CFAP299: variants seen among roughly 807,000 people sequenced by gnomAD.
CFAP299 encodes cilia and flagella associated protein 299.
CFAP299 carries 21 observed loss-of-function variants against 27.0 expected under a neutral mutation model. That is an observed-to-expected ratio of 0.78 (90% CI 0.55 to 1.12). CFAP299 has a LOEUF of 1.12. Among genes scored for constraint, CFAP299 ranks in the 50% most tolerant of loss-of-function variants. The pLI is 0.00. For synonymous variants in CFAP299, 104 were observed against 98.1 expected (o/e 1.06, Z -0.36); for missense variants, 310 against 276.6 (o/e 1.12, Z -0.86).
At chr4:80,461,593 A>T (rs1410673493) in intron 2 of CFAP299, among the ~76,000 whole-genome samples, 3 of 152,108 alleles carry the variant, frequency 2.0e-5, no homozygotes, top group African/African-American at 7.2e-5. Context: ...ATAATGAGGC[A>T]TGTCTGAGCA....
chr4:80,658,924 T>G (rs776569971), intron 3 of CFAP299, among the ~76,000 whole-genome samples: 1 of 152,150 alleles, frequency 6.6e-6, no homozygotes, highest in Non-Finnish European at 1.5e-5. Flanking sequence ...CAGCTGTCTA[T>G]TGACATTTAT....
intron 4 of CFAP299, among the ~76,000 whole-genome samples, chr4:80,914,051 T>C (rs1735621872): frequency 1.3e-5 from 2 of 152,194 alleles, no homozygotes; most frequent in South Asian, 4.1e-4. Context: ...TGCTGAGTAC[T>C]ATTCCACTAT....
At chr4:80,485,166 A>T (rs1351777877) in intron 2 of CFAP299, among the ~76,000 whole-genome samples, 1 of 151,876 alleles carries the variant, frequency 6.6e-6, no homozygotes, top group Admixed American at 6.6e-5. Flanking sequence ...ATTTTTACTA[A>T]GAAGTTGAAT....
chr4:80,871,558 T>C, intron 4 of CFAP299: 1 of 985,448 alleles, frequency 1.0e-6, no homozygotes, highest in Non-Finnish European at 1.2e-6. Flanking sequence ...GTGTCACCTG[T>C]CTTGGCAAAT....
intron 2 of CFAP299, among the ~76,000 whole-genome samples, chr4:80,507,949 T>C (rs1308504829): frequency 6.6e-6 from 1 of 152,204 alleles, no homozygotes; most frequent in Non-Finnish European, 1.5e-5. Flanking sequence ...AGACCCAAAA[T>C]AACTTTAATT....
intron 3 of CFAP299, among the ~76,000 whole-genome samples, chr4:80,835,185 C>G (rs1193441171): frequency 6.6e-6 from 1 of 152,006 alleles, no homozygotes; most frequent in Non-Finnish European, 1.5e-5. Flanking sequence ...GGCTCGATCT[C>G]GGCTCCCAGG....
intron 3 of CFAP299, among the ~76,000 whole-genome samples, chr4:80,740,710 T>G (rs899798370): frequency 6.6e-6 from 1 of 152,200 alleles, no homozygotes; most frequent in African/African-American, 2.4e-5. Flanking sequence ...TGTTGTTCTA[T>G]TCTGCTGTGG....
At chr4:80,737,005 C>T (rs1375651426) in intron 3 of CFAP299, among the ~76,000 whole-genome samples, 1 of 152,028 alleles carries the variant, frequency 6.6e-6, no homozygotes, top group Non-Finnish European at 1.5e-5. Context: ...GAGTTCATGT[C>T]CTTTGTAGGG....
chr4:80,507,824 A>T (rs1174342505), intron 2 of CFAP299, among the ~76,000 whole-genome samples: 1 of 152,186 alleles, frequency 6.6e-6, no homozygotes, highest in Non-Finnish European at 1.5e-5. Flanking sequence ...AGCTCCACTC[A>T]TTGGGGATTT....
chr4:80,700,956 T>C (rs1721437276), intron 3 of CFAP299, among the ~76,000 whole-genome samples: 1 of 152,046 alleles, frequency 6.6e-6, no homozygotes, highest in South Asian at 2.1e-4. Flanking sequence ...AGCACTTACA[T>C]GCATTATCTT....
At chr4:80,808,682 G>A (rs1273115373) in intron 3 of CFAP299, among the ~76,000 whole-genome samples, 1 of 152,030 alleles carries the variant, frequency 6.6e-6, no homozygotes, top group African/African-American at 2.4e-5. Context: ...TATTCCATGT[G>A]CTGCACATGT....
chr4:80,529,738 A>G (rs978309110), intron 2 of CFAP299, among the ~76,000 whole-genome samples: 4 of 151,974 alleles, frequency 2.6e-5, no homozygotes, highest in Non-Finnish European at 5.9e-5. Context: ...CACTTTTTAG[A>G]TACAATCCTT....
intron 1 of CFAP299, among the ~76,000 whole-genome samples, chr4:80,338,465 G>T (rs1188117537): frequency 1.3e-5 from 2 of 152,094 alleles, no homozygotes; most frequent in African/African-American, 2.4e-5. Context: ...AGAGTCACAA[G>T]ATTTTTTTTT....
chr4:80,398,384 A>G (rs932824193), intron 2 of CFAP299, among the ~76,000 whole-genome samples: 1 of 152,214 alleles, frequency 6.6e-6, no homozygotes, highest in Non-Finnish European at 1.5e-5. Context: ...TGCCAATTCA[A>G]TCCTAAGCCA....
chr4:80,756,813 G>T (rs1371200476), intron 3 of CFAP299, among the ~76,000 whole-genome samples: 2 of 151,970 alleles, frequency 1.3e-5, no homozygotes, highest in Non-Finnish European at 2.9e-5. Flanking sequence ...CATATATAAA[G>T]TATCTAGCTA....
intron 2 of CFAP299, among the ~76,000 whole-genome samples, chr4:80,489,548 CTAGGGAAAGACG>C (rs2110136774): frequency 6.6e-6 from 1 of 152,252 alleles, no homozygotes; most frequent in South Asian, 2.1e-4. Context: ...CAAAGAGTGC[CTAGGGAAAGACG>C]TATGATGAGC....
intron 2 of CFAP299, chr4:80,386,581 T>G: frequency 6.3e-7 from 1 of 1,597,874 alleles, no homozygotes; most frequent in Non-Finnish European, 8.6e-7. Flanking sequence ...AGCGGTGATC[T>G]TTGAGGTATT....
intron 1 of CFAP299, among the ~76,000 whole-genome samples, chr4:80,346,172 T>C (rs1722716816): frequency 6.6e-6 from 1 of 152,246 alleles, no homozygotes; most frequent in Non-Finnish European, 1.5e-5. Flanking sequence ...TTCTGGATAT[T>C]AGCCTTTTGT....
chr4:80,769,569 A>G (rs916244477), intron 3 of CFAP299, among the ~76,000 whole-genome samples: 1 of 151,964 alleles, frequency 6.6e-6, no homozygotes, highest in African/African-American at 2.4e-5. Flanking sequence ...TAATTTTTAA[A>G]TTGTTCTAGA....
Sources: allele counts gnomAD v4.1 joint callset (sites outside exome capture counted in the v4.1 genomes callset), GRCh38; gene constraint gnomAD v4.1.1; transcripts MANE v1.5; gene names NCBI Gene and HGNC (gene_info 2026-07-23, HGNC 2026-07-21).